The following TNFSF4 variants were observed in gnomAD, a reference collection of about 807,000 sequenced individuals.
TNFSF4 encodes TNF superfamily member 4, also known as tumor necrosis factor ligand superfamily member 4.
A neutral mutation model predicts 7.3 loss-of-function variants in TNFSF4; 4 were observed. The observed-to-expected ratio is 0.55, with a 90% CI of 0.27 to 1.25. The LOEUF (loss-of-function observed/expected upper bound fraction) is 1.25. Ranked by LOEUF, TNFSF4 falls within the 50% of genes most tolerant of loss-of-function variation. The pLI, the probability that TNFSF4 is intolerant of heterozygous loss-of-function variation, is 0.12. For missense variants in TNFSF4, 181 were observed against 208.8 expected (o/e 0.87, Z 0.82); for synonymous variants, 76 against 83.7 (o/e 0.91, Z 0.50).
chr1:173,422,659 G>C, the TNFSF4 span, among the ~76,000 whole-genome samples: 85 of 152,284 alleles, frequency 5.6e-4, no homozygotes, highest in African/African-American at 1.9e-3. Flanking sequence ...CCAAGCAGTG[G>C]AGGCAACAGC....
the TNFSF4 span, among the ~76,000 whole-genome samples, chr1:173,432,768 T>G: frequency 4.6e-5 from 7 of 151,980 alleles, no homozygotes; most frequent in Admixed American, 4.6e-4. Flanking sequence ...CAGTTTTAGG[T>G]GTTTTACCTA....
chr1:173,329,096 C>G, the TNFSF4 span, among the ~76,000 whole-genome samples: 4 of 152,106 alleles, frequency 2.6e-5, no homozygotes, highest in Non-Finnish European at 4.4e-5. Flanking sequence ...AACTATTATG[C>G]ATCTTTTTAA....
chr1:173,428,241 G>T, the TNFSF4 span, among the ~76,000 whole-genome samples: 1 of 152,078 alleles, frequency 6.6e-6, no homozygotes, highest in African/African-American at 2.4e-5. Context: ...CACCACGCCC[G>T]ACCTCTATTA....
intron 1 of TNFSF4, among the ~76,000 whole-genome samples, chr1:173,196,334 C>A (rs905113007): frequency 6.6e-6 from 1 of 152,158 alleles, no homozygotes; most frequent in East Asian, 1.9e-4. Context: ...TTTATTGGGA[C>A]TTAATGAACA....
the TNFSF4 span, among the ~76,000 whole-genome samples, chr1:173,298,806 G>C: frequency 1.3e-5 from 2 of 151,914 alleles, no homozygotes; most frequent in Admixed American, 1.3e-4. Flanking sequence ...TTGTTCTATG[G>C]TAAGTGGCAG....
At chr1:173,354,311 CA>C in the TNFSF4 span, among the ~76,000 whole-genome samples, 1 of 152,120 alleles carries the variant, frequency 6.6e-6, no homozygotes, top group African/African-American at 2.4e-5. Context: ...AATCTCTGAA[CA>C]GACCAATAAT....
the TNFSF4 span, among the ~76,000 whole-genome samples, chr1:173,305,883 G>A: frequency 4.6e-5 from 7 of 151,812 alleles, no homozygotes; most frequent in Non-Finnish European, 7.4e-5. Flanking sequence ...CCACATGTGC[G>A]GATTAAAAGT....
At chr1:173,249,203 C>T in the TNFSF4 span, among the ~76,000 whole-genome samples, 3 of 152,168 alleles carry the variant, frequency 2.0e-5, no homozygotes, top group South Asian at 2.1e-4. Context: ...GTGGAAAATA[C>T]TAGAGAGTGA....
the TNFSF4 span, among the ~76,000 whole-genome samples, chr1:173,286,254 A>C: frequency 2.0e-5 from 3 of 152,322 alleles, no homozygotes; most frequent in South Asian, 6.2e-4. Flanking sequence ...TAAATTGAGA[A>C]GCAAATTCTA....
the TNFSF4 span, among the ~76,000 whole-genome samples, chr1:173,318,894 G>T: frequency 6.6e-6 from 1 of 152,158 alleles, no homozygotes; most frequent in South Asian, 2.1e-4. Flanking sequence ...TAGGGTCCTG[G>T]GTCTCAAATA....
At chr1:173,338,537 A>G in the TNFSF4 span, among the ~76,000 whole-genome samples, 3 of 152,098 alleles carry the variant, frequency 2.0e-5, no homozygotes, top group African/African-American at 7.2e-5. Flanking sequence ...CTAGGTACCA[A>G]TGCCTTGCAG....
chr1:173,331,253 C>G, the TNFSF4 span, among the ~76,000 whole-genome samples: 1 of 152,112 alleles, frequency 6.6e-6, no homozygotes, highest in African/African-American at 2.4e-5. Context: ...CTTTCGAATT[C>G]GTATTTCAGT....
chr1:173,305,030 T>C, the TNFSF4 span, among the ~76,000 whole-genome samples: 1 of 151,920 alleles, frequency 6.6e-6, no homozygotes, highest in Admixed American at 6.6e-5. Context: ...CCATAGGACA[T>C]AATCCCCTAG....
chr1:173,249,214 G>A, the TNFSF4 span, among the ~76,000 whole-genome samples: 1 of 152,136 alleles, frequency 6.6e-6, no homozygotes, highest in Non-Finnish European at 1.5e-5. Context: ...TAGAGAGTGA[G>A]CAGGTTTGCA....
At chr1:173,353,396 G>A in the TNFSF4 span, among the ~76,000 whole-genome samples, 1 of 152,158 alleles carries the variant, frequency 6.6e-6, no homozygotes, top group African/African-American at 2.4e-5. Flanking sequence ...GGCTTCAGCA[G>A]GTCCCTCCAT....
At chr1:173,445,377 C>T in the TNFSF4 span, among the ~76,000 whole-genome samples, 1 of 152,174 alleles carries the variant, frequency 6.6e-6, no homozygotes, top group Admixed American at 6.5e-5. Flanking sequence ...ACAGCTAATA[C>T]TTTCAGATAA....
chr1:173,280,930 A>G, the TNFSF4 span, among the ~76,000 whole-genome samples: 2 of 152,108 alleles, frequency 1.3e-5, no homozygotes, highest in East Asian at 1.9e-4. Flanking sequence ...CTACTTTCCA[A>G]TTTTGTAAGG....
At chr1:173,371,242 G>A in the TNFSF4 span, among the ~76,000 whole-genome samples, 1 of 152,238 alleles carries the variant, frequency 6.6e-6, no homozygotes, top group African/African-American at 2.4e-5. Context: ...GGGACAGCCT[G>A]TAACCAGGTA....
the TNFSF4 span, among the ~76,000 whole-genome samples, chr1:173,291,293 A>T: frequency 6.6e-6 from 1 of 152,172 alleles, no homozygotes; most frequent in African/African-American, 2.4e-5. Flanking sequence ...CATCAAGGGG[A>T]TGGTGCTAAA....
Sources: gnomAD v4.1 joint callset for allele counts (sites outside exome capture counted in the v4.1 genomes callset) on GRCh38, gnomAD v4.1.1 for gene constraint, MANE v1.5 for transcripts, NCBI Gene and HGNC (gene_info 2026-07-23, HGNC 2026-07-21) for gene names.